ANO1: variants seen among roughly 807,000 people sequenced by gnomAD.
ANO1 encodes anoctamin-1.
A neutral mutation model predicts 124.0 loss-of-function variants in ANO1; 59 were observed. The ratio of observed to expected loss-of-function variants is 0.48; its 90% CI spans 0.39 to 0.59. ANO1 has a LOEUF of 0.59. Among genes scored for constraint, ANO1 ranks in the 20% least tolerant of loss-of-function variants. The pLI, the probability that ANO1 is intolerant of heterozygous loss-of-function variation, is 0.00. For synonymous variants in ANO1, 529 were observed against 532.0 expected, an observed-to-expected ratio of 0.99 and a Z score of 0.08; for missense variants, 1,059 against 1,328.0, an observed-to-expected ratio of 0.80 and a Z score of 3.15.
intron 16 of ANO1, among the ~76,000 whole-genome samples, chr11:70,159,765 G>A (rs187969615): frequency 6.3e-4 from 96 of 152,342 alleles, no homozygotes; most frequent in African/African-American, 2.2e-3. Context: ...CTGCACCTCC[G>A]CATGCTGGCA....
chr11:70,010,766 G>T (rs1856586728), intron 1 of ANO1, among the ~76,000 whole-genome samples: 1 of 152,156 alleles, frequency 6.6e-6, no homozygotes, highest in African/African-American at 2.4e-5. Flanking sequence ...TCCTGCCTGG[G>T]ATGTGCTCCT....
chr11:70,101,748 A>G (rs1224435138), intron 2 of ANO1, among the ~76,000 whole-genome samples: 1 of 151,884 alleles, frequency 6.6e-6, no homozygotes, highest in Non-Finnish European at 1.5e-5. Flanking sequence ...CCCGGAGGGG[A>G]TGGATGAGGT....
intron 1 of ANO1, among the ~76,000 whole-genome samples, chr11:70,022,102 G>C (rs551815306): frequency 6.6e-6 from 1 of 152,106 alleles, no homozygotes; most frequent in African/African-American, 2.4e-5. Context: ...AGAAATCCCA[G>C]AGGAAAAAAT....
At chr11:70,041,722 T>C (rs1227939430) in intron 1 of ANO1, among the ~76,000 whole-genome samples, 1 of 151,714 alleles carries the variant, frequency 6.6e-6, no homozygotes, top group African/African-American at 2.4e-5. Flanking sequence ...TCGGTGAAAA[T>C]ATGTTGAAAA....
intron 1 of ANO1, among the ~76,000 whole-genome samples, chr11:69,997,535 TC>T (rs1247120791): frequency 6.6e-6 from 1 of 151,770 alleles, no homozygotes; most frequent in African/African-American, 2.4e-5. Flanking sequence ...CCAGCCACTC[TC>T]CCCCCGTCCC....
chr11:70,026,037 GTGA>G (rs1254119333), intron 1 of ANO1, among the ~76,000 whole-genome samples: 8 of 131,552 alleles, frequency 6.1e-5, no homozygotes, highest in Non-Finnish European at 9.6e-5. Context: ...GATGATGATG[GTGA>G]TGATGGTGGT....
intron 22 of ANO1, among the ~76,000 whole-genome samples, chr11:70,177,219 C>A (rs1212123968): frequency 6.6e-6 from 1 of 152,260 alleles, no homozygotes; most frequent in African/African-American, 2.4e-5. Context: ...AGACTTCAAC[C>A]TCCACCCCAG....
At chr11:70,048,020 A>G (rs1243426004) in intron 1 of ANO1, among the ~76,000 whole-genome samples, 1 of 152,212 alleles carries the variant, frequency 6.6e-6, no homozygotes, top group Non-Finnish European at 1.5e-5. Flanking sequence ...CAAAAGTTAT[A>G]TTGAATCTAG....
intron 11 of ANO1, among the ~76,000 whole-genome samples, chr11:70,148,311 C>T (rs1030242483): frequency 2.1e-4 from 32 of 152,130 alleles, no homozygotes; most frequent in African/African-American, 7.0e-4. Context: ...GCGCCTACCT[C>T]CTATGATCAC....
intron 22 of ANO1, among the ~76,000 whole-genome samples, chr11:70,175,038 G>A (rs78243950): frequency 0.11 from 17,275 of 151,264 alleles, 1,087 homozygotes; most frequent in Middle Eastern, 0.16. Context: ...ACATCACAGT[G>A]CGCGTGTGTT....
At chr11:70,071,733 C>A (rs1367949780) in intron 1 of ANO1, among the ~76,000 whole-genome samples, 3 of 152,220 alleles carry the variant, frequency 2.0e-5, no homozygotes, top group Middle Eastern at 3.4e-3. Context: ...AAGCAATCCT[C>A]CCACCTGAAT....
chr11:70,111,143 A>G (rs1439480925), intron 6 of ANO1: 1 of 456,870 alleles, frequency 2.2e-6, no homozygotes, highest in Non-Finnish European at 4.4e-6. Flanking sequence ...CGAGGGAAGA[A>G]AGAAGGACTC....
chr11:70,093,887 G>A (rs2509155), intron 2 of ANO1, among the ~76,000 whole-genome samples: 47,650 of 152,110 alleles, frequency 0.31, 8,023 homozygotes, highest in Admixed American at 0.42. Context: ...TTCAGACCCC[G>A]CCCAGCCCCT....
intron 11 of ANO1, among the ~76,000 whole-genome samples, chr11:70,135,149 G>A (rs566176632): frequency 6.6e-5 from 10 of 152,128 alleles, no homozygotes; most frequent in Non-Finnish European, 1.5e-4. Context: ...GGAGCCTCAT[G>A]GCACCCTCCC....
At chr11:70,116,863 C>T (rs913576689) in intron 8 of ANO1, among the ~76,000 whole-genome samples, 5 of 152,160 alleles carry the variant, frequency 3.3e-5, no homozygotes, top group African/African-American at 1.2e-4. Context: ...GGCATGTGGC[C>T]TAATCCCACA....
intron 6 of ANO1, among the ~76,000 whole-genome samples, chr11:70,110,757 G>T (rs758310231): frequency 2.0e-5 from 3 of 152,198 alleles, no homozygotes; most frequent in Non-Finnish European, 4.4e-5. Context: ...GGTTCCATGA[G>T]CAGCAAAGGG....
intron 1 of ANO1, among the ~76,000 whole-genome samples, chr11:70,029,677 G>A (rs1555003603): frequency 6.6e-6 from 1 of 152,208 alleles, no homozygotes; most frequent in East Asian, 1.9e-4. Flanking sequence ...TCCACAAACT[G>A]GTGGCTTAAG....
intron 1 of ANO1, among the ~76,000 whole-genome samples, chr11:70,028,078 C>T (rs2135021255): frequency 6.6e-6 from 1 of 152,178 alleles, no homozygotes; most frequent in Non-Finnish European, 1.5e-5. Flanking sequence ...ACTGATTTCC[C>T]TCAGAAGAAA....
At chr11:70,099,268 T>C (rs2045152170) in intron 2 of ANO1, among the ~76,000 whole-genome samples, 1 of 152,168 alleles carries the variant, frequency 6.6e-6, no homozygotes. Context: ...CCGGGCACCA[T>C]GCTTTAAAAC....
Sources: allele counts gnomAD v4.1 joint callset (sites outside exome capture counted in the v4.1 genomes callset), GRCh38; gene constraint gnomAD v4.1.1; transcripts MANE v1.5; gene names NCBI Gene and HGNC (gene_info 2026-07-23, HGNC 2026-07-21).